SLC6A3: variants seen among roughly 807,000 people sequenced by gnomAD.
SLC6A3 encodes the protein solute carrier family 6 member 3, also known as sodium-dependent dopamine transporter.
A neutral mutation model predicts 70.4 loss-of-function variants in SLC6A3; 19 were observed. The observed-to-expected ratio is 0.27, with a 90% CI of 0.19 to 0.40. The LOEUF (loss-of-function observed/expected upper bound fraction) is 0.40, where lower values mean the gene tolerates loss of function less well. Ranked by LOEUF, SLC6A3 falls within the 10% of genes least tolerant of loss-of-function variation. SLC6A3 has a pLI of 1.00. For synonymous variants in SLC6A3, 368 were observed against 356.6 expected (o/e 1.03, Z -0.36); for missense variants, 613 against 838.5 (o/e 0.73, Z 3.32).
rs1036669986 is a variant in SLC6A3, at chr5:1,397,138, G to A, written c.1840-2380C>T. 6.6e-6 allele frequency among the ~76,000 whole-genome samples: 1 copy of A among 152,310 alleles called. No individual in the cohort carries two copies. The highest frequency in any genetic ancestry group is 6.5e-5 in the Admixed American group (1 of 15,296). On this transcript the variant is annotated intron_variant, in intron 14 of 14. Coordinates refer to ENST00000270349, the MANE Select transcript of SLC6A3 (RefSeq NM_001044.5). The surrounding 1 kb of genome is among the most constrained non-coding windows in gnomAD (Gnocchi z 4.7). Reference sequence around the variant, plus strand: ...AGACCTGGAGGACCTGGGGCAAAGTGGACACACCAGAGCCTCATAATGGAA... The same window carrying A: ...AGACCTGGAGGACCTGGGGCAAAGTAGACACACCAGAGCCTCATAATGGAA...
At chr5:1,422,438 ACCGCTGC>A (rs1355858194) in intron 4 of SLC6A3, among the ~76,000 whole-genome samples, 17 of 141,048 alleles carry the variant, frequency 1.2e-4, no homozygotes, top group African/African-American at 3.5e-4. Flanking sequence ...CTGGGTACCC[ACCGCTGC>A]CCACAGTGCT....
At chr5:1,431,197 C>T (rs1446253264) in intron 4 of SLC6A3, among the ~76,000 whole-genome samples, 2 of 152,248 alleles carry the variant, frequency 1.3e-5, no homozygotes, top group Non-Finnish European at 2.9e-5. Context: ...ATCCAGATTC[C>T]GGGAGGGGTC....
At position 1,443,130 on chromosome 5, in the gene SLC6A3, G is replaced by T. The variant is rs1579729551; in HGVS notation, c.68C>A (p.Ala23Asp). The change falls in exon 2 of 15, where the codon GCC becomes GAC. Residue 23 changes from alanine (A) to aspartate (D), a missense_variant. By Grantham distance (126) the Ala-to-Asp change is moderately radical (BLOSUM62 -2). Around this residue, in one of 4 missense-constraint regions of SLC6A3, gnomAD observed 111 missense variants for 91.6 expected, o/e 1.21. Coordinates refer to ENST00000270349, the MANE Select transcript of SLC6A3 (RefSeq NM_001044.5). Reference sequence around the variant, plus strand: ...GAGCTCCACCTCCTTCGGGCCCACGGCATTGGGCTCCTTAGCCGGGGCCAC... The same window carrying T: ...GAGCTCCACCTCCTTCGGGCCCACGTCATTGGGCTCCTTAGCCGGGGCCAC... ...SVVAPAKEPN[A>D]VGPKEVELIL... 6.2e-7 allele frequency: 1 copy of T among 1,614,132 alleles called. No homozygotes were observed. The highest frequency in any genetic ancestry group is 1.3e-5 in the African/African-American group (1 of 74,948).
At position 1,402,038 on chromosome 5, in the gene SLC6A3, C is replaced by A. The variant is rs1014214578; in HGVS notation, c.1767+884G>T. Reference sequence around the variant, plus strand: ...CTGGAGAGACTGGCTCAGTGCCAGCCTGAGAGCATCTGCCACATGTCTGAG... The same window carrying A: ...CTGGAGAGACTGGCTCAGTGCCAGCATGAGAGCATCTGCCACATGTCTGAG... On this transcript the variant is annotated intron_variant, in intron 13 of 14. Coordinates refer to ENST00000270349, the MANE Select transcript of SLC6A3 (RefSeq NM_001044.5). This position sits in a 1 kb window ranked among gnomAD's most constrained non-coding sequence, Gnocchi z 8.5. 6.6e-6 allele frequency among the ~76,000 whole-genome samples: 1 copy of A among 152,210 alleles called. No homozygotes were observed. Among genetic ancestry groups the A allele is most frequent in the Non-Finnish European group, 1.5e-5 (1 of 68,050 alleles).
At chr5:1,424,182 C>T (rs2126378047) in intron 4 of SLC6A3, among the ~76,000 whole-genome samples, 1 of 152,362 alleles carries the variant, frequency 6.6e-6, no homozygotes, top group East Asian at 1.9e-4. Flanking sequence ...CCACTGAAAC[C>T]ATCGCCACCA....
At chr5:1,417,022 C>T (rs1756317415) in intron 6 of SLC6A3, among the ~76,000 whole-genome samples, 1 of 146,504 alleles carries the variant, frequency 6.8e-6, no homozygotes, top group Non-Finnish European at 1.5e-5. Flanking sequence ...CTTATCCACA[C>T]TCACACCAGC....
chr5:1,441,560 C>T (rs558334284), intron 2 of SLC6A3, 70 bp from the exon 3 acceptor site: 20 of 1,561,714 alleles, frequency 1.3e-5, no homozygotes, highest in South Asian at 2.3e-5. Flanking sequence ...GGAGCTTGGG[C>T]GGCTACCCCA....
intron 4 of SLC6A3, among the ~76,000 whole-genome samples, chr5:1,429,350 C>G (rs1213889885): frequency 6.6e-6 from 1 of 152,210 alleles, no homozygotes; most frequent in Admixed American, 6.5e-5. Context: ...TTCTCCAACT[C>G]CCCACGTCTG....
In SLC6A3 at chr5:1,437,251, CAAAAA is replaced by C. The variant is rs113262982; in HGVS notation, c.418+4103_418+4107del. ...GGTGACAGAGCGAGATTCCGTCTCACAAAAAAAAAAAAAAAGAAAAGAAAAGAAAA... is the reference window on the plus strand; with the variant it reads ...GGTGACAGAGCGAGATTCCGTCTCACAAAAAAAAAAGAAAAGAAAAGAAAA... On this transcript the variant is annotated intron_variant, in intron 3 of 14. Coordinates refer to ENST00000270349, the MANE Select transcript of SLC6A3 (RefSeq NM_001044.5). This position sits in a 1 kb window ranked among gnomAD's most constrained non-coding sequence, Gnocchi z 4.8. Among the ~76,000 whole-genome samples, 3 of 116,878 alleles carry C rather than the reference CAAAAA, an allele frequency of 2.6e-5. No individual in the cohort carries two copies. Among genetic ancestry groups the C allele is most frequent in the East Asian group, 3.2e-4 (1 of 3,108 alleles). The allele number at this position is 116,878 out of a possible 152,430, so 76.7% of individuals were successfully genotyped here.
rs144812598 is a variant in SLC6A3 at position 1,424,782 on chromosome 5, T to C, written c.654-2768A>G. 7.2e-3 allele frequency among the ~76,000 whole-genome samples: 1,103 copies of C among 152,290 alleles called. 15 individuals carry two copies. The highest frequency in any genetic ancestry group is 0.024 in the African/African-American group (996 of 41,560). On this transcript the variant is annotated intron_variant, in intron 4 of 14. Coordinates refer to ENST00000270349, the MANE Select transcript of SLC6A3 (RefSeq NM_001044.5). Reference sequence around the variant, plus strand: ...AGACGCAGCACCTTGACACACTGGGTCGAGCCCCTTCTCGAGATTAGAAAG... The same window carrying C: ...AGACGCAGCACCTTGACACACTGGGCCGAGCCCCTTCTCGAGATTAGAAAG...
Position 1,407,989 on chromosome 5 carries a change from C to T in SLC6A3, c.1498+1037G>A, listed in dbSNP as rs200241645. Among the ~76,000 whole-genome samples the T allele has an allele frequency of 2.6e-3, 379 of 145,684 alleles. 1 individual carries two copies. The highest frequency in any genetic ancestry group is 4.7e-3 in the Non-Finnish European group (313 of 66,706). ...GCACCACAGACATTCAGCTTTCAGC[C>T]GGATCCACACATTTTTTTTTTTCTT... On this transcript the variant is annotated intron_variant, in intron 11 of 14. Transcript: ENST00000270349.
Position 1,401,053 on chromosome 5 carries a change from TCA to T in SLC6A3, c.1768-69_1768-68del. 1 of 1,232,442 alleles carries T rather than the reference TCA, an allele frequency of 8.1e-7. No individual in the cohort carries two copies. Among genetic ancestry groups the T allele is most frequent in the Non-Finnish European group, 1.2e-6 (1 of 853,958 alleles). 76.3% of individuals were successfully genotyped at this position (1,232,442 alleles called of 1,614,324 possible). A position where few individuals can be genotyped will look rare whatever the true frequency, so the allele number is the denominator to read the frequency against. The stretch of plus-strand genomic sequence containing the variant: ...CCCACTGCCAGCACCCACCACTGAC[TCA>T]CACTGCCAGGACCCTCACCTACCAG... On this transcript the variant is annotated intron_variant, in intron 13 of 14. Coordinates refer to ENST00000270349, the MANE Select transcript of SLC6A3 (RefSeq NM_001044.5). This position sits in a 1 kb window ranked among gnomAD's most constrained non-coding sequence, Gnocchi z 6.1.
intron 14 of SLC6A3, among the ~76,000 whole-genome samples, chr5:1,395,540 C>A (rs1416791471): frequency 6.6e-6 from 1 of 152,188 alleles, no homozygotes; most frequent in Non-Finnish European, 1.5e-5. Context: ...CTGCAGGGAC[C>A]TCCTCAGCCA....
chr5:1,407,773 G>C (rs1028058614), intron 11 of SLC6A3, among the ~76,000 whole-genome samples: 5 of 152,226 alleles, frequency 3.3e-5, no homozygotes, highest in African/African-American at 4.8e-5. Flanking sequence ...ACCCGTGAAA[G>C]TACGAGGTTG....
chr5:1,402,804 C>T lies in SLC6A3; in HGVS notation c.1767+118G>A. On this transcript the variant is annotated intron_variant, in intron 13 of 14. Transcript: ENST00000270349. This position sits in a 1 kb window ranked among gnomAD's most constrained non-coding sequence, Gnocchi z 8.5. ...CACACAGTGTTGTGGTGGCCACCTC[C>T]AGTCTCCTCCTCTTGGTCACAGATG... The T allele has an allele frequency of 9.5e-7, 1 of 1,052,632 alleles. No homozygotes were observed. The highest frequency in any genetic ancestry group is 1.4e-6 in the Non-Finnish European group (1 of 695,092). 65.2% of individuals were successfully genotyped at this position (1,052,632 alleles called of 1,614,324 possible).
chr5:1,409,361 C>T (rs749753847), intron 10 of SLC6A3, among the ~76,000 whole-genome samples: 10 of 152,298 alleles, frequency 6.6e-5, no homozygotes, highest in South Asian at 4.1e-4. Context: ...TGGAAGCAAC[C>T]GAATGCGGAA....
At chr5:1,431,190 C>T (rs953538029) in intron 4 of SLC6A3, among the ~76,000 whole-genome samples, 21 of 152,376 alleles carry the variant, frequency 1.4e-4, no homozygotes, top group African/African-American at 4.1e-4. Context: ...CCGCCAGATC[C>T]AGATTCCGGG....
chr5:1,430,062 T>G (rs1013029399), intron 4 of SLC6A3, among the ~76,000 whole-genome samples: 1 of 152,180 alleles, frequency 6.6e-6, no homozygotes, highest in Non-Finnish European at 1.5e-5. Flanking sequence ...GCGCTTCCTA[T>G]GGCGATGCTC....
Position 1,421,764 on chromosome 5 carries a change from G to T in SLC6A3, c.792+112C>A, listed in dbSNP as rs2126370691. 2.5e-6 allele frequency: 3 copies of T among 1,196,454 alleles called. No individual in the cohort carries two copies. The highest frequency in any genetic ancestry group is 3.7e-6 in the Non-Finnish European group (3 of 808,740). The allele number at this position is 1,196,454 out of a possible 1,614,324, so 74.1% of individuals were successfully genotyped here. A position where few individuals can be genotyped will look rare whatever the true frequency, so the allele number is the denominator to read the frequency against. On this transcript the variant is annotated intron_variant, in intron 5 of 14. Coordinates refer to ENST00000270349, the MANE Select transcript of SLC6A3 (RefSeq NM_001044.5). The surrounding 1 kb of genome is among the most constrained non-coding windows in gnomAD (Gnocchi z 7.2). ...ACCCCAACCTGGCCATGGCCACATT[G>T]GTAGCACAAAACCCAACTGAGGCCA... is the stretch of plus-strand genomic sequence containing the variant.
Sources: allele counts gnomAD v4.1 joint callset (sites outside exome capture counted in the v4.1 genomes callset), GRCh38; gene constraint gnomAD v4.1.1; regional missense constraint gnomAD v4.1.1; non-coding constraint Gnocchi (gnomAD v3.1); transcripts MANE v1.5; gene names NCBI Gene and HGNC (gene_info 2026-07-23, HGNC 2026-07-21).